The following SOX5 variants were observed in gnomAD, a reference collection of about 807,000 sequenced individuals.
SOX5 encodes SRY-box transcription factor 5, also known as transcription factor SOX-5.
A neutral mutation model predicts 92.0 loss-of-function variants in SOX5; 9 were observed. The observed-to-expected ratio is 0.10, with a 90% CI of 0.06 to 0.17. SOX5 has a LOEUF of 0.17. SOX5 is among the 10% of genes least tolerant of loss of function. The pLI is 1.00. For synonymous variants in SOX5, 344 were observed against 336.3 expected (o/e 1.02, Z -0.25); for missense variants, 642 against 944.5 (o/e 0.68, Z 4.20).
intron 3 of SOX5, among the ~76,000 whole-genome samples, chr12:23,806,098 A>G (rs2095765395): frequency 6.6e-6 from 1 of 152,188 alleles, no homozygotes; most frequent in African/African-American, 2.4e-5. Flanking sequence ...ATTCCTCTCA[A>G]TTCTCTTTCT....
chr12:24,323,687 C>T (rs1178226933), intron 2 of SOX5, among the ~76,000 whole-genome samples: 1 of 151,968 alleles, frequency 6.6e-6, no homozygotes, highest in South Asian at 2.1e-4. Context: ...ATGCAAACAG[C>T]TTCCTGAAAT....
At chr12:23,762,625 A>AG (rs2094594750) in intron 3 of SOX5, 1 of 533,318 alleles carries the variant, frequency 1.9e-6, no homozygotes, top group East Asian at 3.1e-5. Context: ...AAAAAAAAAA[A>AG]GTCTTTGGCT....
intron 9 of SOX5, among the ~76,000 whole-genome samples, chr12:23,594,347 T>C (rs1223316935): frequency 6.6e-6 from 1 of 152,028 alleles, no homozygotes; most frequent in Non-Finnish European, 1.5e-5. Flanking sequence ...TGAGCACACA[T>C]ATCTATCTAC....
chr12:23,856,808 G>C (rs12582297), intron 2 of SOX5, among the ~76,000 whole-genome samples: 9,496 of 152,108 alleles, frequency 0.062, 395 homozygotes, highest in South Asian at 0.11. Context: ...GAGAAGTTTA[G>C]AGAAGAGAGA....
rs191154196 is a variant in SOX5 at position 24,000,393 on chromosome 12, T to C, written c.-1-104369A>G. Reference sequence around the variant, plus strand: ...GTATTTCTTAGTATATATGTAAATATATACTGTAATAATAGCACAAGTGGG... The same window carrying C: ...GTATTTCTTAGTATATATGTAAATACATACTGTAATAATAGCACAAGTGGG... On this transcript the variant is annotated intron_variant, in intron 4 of 4. Transcript: ENST00000446891. 5.0e-3 allele frequency among the ~76,000 whole-genome samples: 768 copies of C among 152,120 alleles called. 5 individuals carry two copies. The highest frequency in any genetic ancestry group is 0.02 in the Middle Eastern group (6 of 294).
At chr12:24,028,114 G>A (rs2136793892) in intron 4 of SOX5, among the ~76,000 whole-genome samples, 1 of 152,034 alleles carries the variant, frequency 6.6e-6, no homozygotes, top group African/African-American at 2.4e-5. Context: ...AGGTTTCCCT[G>A]GCCACCTAGA....
chr12:24,355,280 ATCTTTTTTTTTTTTTTTTTTTTTT>A (rs1954667665), intron 2 of SOX5, among the ~76,000 whole-genome samples: 1 of 84,034 alleles, frequency 1.2e-5, no homozygotes, highest in Non-Finnish European at 2.3e-5. Flanking sequence ...TGAGGGGTGC[ATCTTTTTTTTTTTTTTTTTTTTTT>A]TTTTTTTTTT....
chr12:24,326,320 C>A (rs1270730496), intron 2 of SOX5, among the ~76,000 whole-genome samples: 2 of 152,080 alleles, frequency 1.3e-5, no homozygotes, highest in Admixed American at 6.6e-5. Flanking sequence ...ATCTAGGATG[C>A]AATTTGGAGG....
chr12:23,555,584 A>G (rs1945019551), intron 11 of SOX5, among the ~76,000 whole-genome samples: 1 of 152,168 alleles, frequency 6.6e-6, no homozygotes, highest in Admixed American at 6.5e-5. Context: ...CACTGTGACA[A>G]ATGTAGCAAA....
chr12:24,030,329 T>C (rs1955356479), intron 4 of SOX5, among the ~76,000 whole-genome samples: 1 of 151,904 alleles, frequency 6.6e-6, no homozygotes, highest in Admixed American at 6.6e-5. Context: ...AATAGCATGA[T>C]ACTGGCATAA....
At chr12:23,797,840 C>T (rs907732895) in intron 3 of SOX5, among the ~76,000 whole-genome samples, 1 of 152,054 alleles carries the variant, frequency 6.6e-6, no homozygotes, top group African/African-American at 2.4e-5. Flanking sequence ...CCTCTCTCAA[C>T]TTACTACCTC....
chr12:24,281,248 A>AAC (rs1290848162), intron 2 of SOX5, among the ~76,000 whole-genome samples: 4 of 151,756 alleles, frequency 2.6e-5, no homozygotes, highest in African/African-American at 9.7e-5. Context: ...AAAAAAAAAA[A>AAC]AAAAAAAAAC....
At chr12:23,553,267 C>A (rs952212020) in intron 11 of SOX5, among the ~76,000 whole-genome samples, 2 of 152,006 alleles carry the variant, frequency 1.3e-5, no homozygotes, top group Non-Finnish European at 2.9e-5. Flanking sequence ...AGTAATTACA[C>A]TTACAAATTC....
chr12:23,557,284 CAT>C (rs1294733666), intron 11 of SOX5, among the ~76,000 whole-genome samples: 1 of 152,096 alleles, frequency 6.6e-6, no homozygotes, highest in Admixed American at 6.5e-5. Flanking sequence ...TTAAAATATA[CAT>C]GTTATTTACC....
intron 2 of SOX5, among the ~76,000 whole-genome samples, chr12:23,868,202 AC>A (rs1211406776): frequency 1.3e-5 from 2 of 151,646 alleles, no homozygotes; most frequent in East Asian, 3.9e-4. Context: ...TTCCTATTTG[AC>A]CTTTTTGTAC....
At position 23,949,631 on chromosome 12, in the gene SOX5, A is replaced by C. The variant is rs1378804633; in HGVS notation, c.-30T>G. On this transcript the variant is annotated 5_prime_UTR_variant, in exon 1 of 15. Transcript: ENST00000451604. ...GAAAAGCACAATTTCCCTTTGTCAC[A>C]GCAGCCACCTATGATCGTCTCCAAC... is the stretch of plus-strand genomic sequence containing the variant. 6.2e-7 allele frequency: 1 copy of C among 1,613,894 alleles called. No individual in the cohort carries two copies. The highest frequency in any genetic ancestry group is 8.5e-7 in the Non-Finnish European group (1 of 1,179,860).
chr12:23,977,455 A>T (rs1949043218), intron 4 of SOX5, among the ~76,000 whole-genome samples: 1 of 152,160 alleles, frequency 6.6e-6, no homozygotes. Context: ...AAATCTCTTG[A>T]GGCCAGGAGT....
At chr12:23,913,429 G>A (rs898650064) in intron 1 of SOX5, among the ~76,000 whole-genome samples, 1 of 150,726 alleles carries the variant, frequency 6.6e-6, no homozygotes, top group Admixed American at 6.6e-5. Context: ...AATATTTGAC[G>A]ACTGTTCTAA....
intron 1 of SOX5, among the ~76,000 whole-genome samples, chr12:24,371,366 C>G (rs1282456681): frequency 2.0e-5 from 3 of 152,192 alleles, no homozygotes; most frequent in Non-Finnish European, 2.9e-5. Flanking sequence ...CAGACAAAAA[C>G]TCAGCCTGGA....
Sources: allele counts gnomAD v4.1 joint callset (sites outside exome capture counted in the v4.1 genomes callset), GRCh38; gene constraint gnomAD v4.1.1; transcripts MANE v1.5; gene names NCBI Gene and HGNC (gene_info 2026-07-23, HGNC 2026-07-21).